The following RASD2 variants were observed in gnomAD, a reference collection of about 807,000 sequenced individuals.
RASD2 encodes GTP-binding protein Rhes.
RASD2 carries 7 observed loss-of-function variants against 15.8 expected under a neutral mutation model. The ratio of observed to expected loss-of-function variants is 0.44; its 90% confidence interval spans 0.25 to 0.83. The LOEUF is 0.83. RASD2 is among the 40% of genes least tolerant of loss of function. The pLI is 0.20. For synonymous variants in RASD2, 155 were observed against 153.6 expected, an observed-to-expected ratio of 1.01 and a Z score of -0.07; for missense variants, 274 against 382.8, an observed-to-expected ratio of 0.72 and a Z score of 2.37.
At chr22:35,539,813 T>C (rs886616695), upstream of RASD2, among the ~76,000 whole-genome samples, 5 of 152,078 alleles carry the variant, frequency 3.3e-5, no homozygotes, top group Admixed American at 1.3e-4. Context: ...AAGTAATAAG[T>C]GGTGTGGAGA....
In RASD2 at chr22:35,551,664, G is replaced by A. The variant is rs1316984117; in HGVS notation, c.433G>A (p.Gly145Ser). 6 of 1,614,094 alleles carry A rather than the reference G, an allele frequency of 3.7e-6. No individual in the cohort carries two copies. The highest frequency in any genetic ancestry group is 2.2e-5 in the East Asian group (1 of 44,868). ...MVICGNKNDH[G>S]ELCRQVPTTE... ...CATCTGTGGCAACAAGAACGACCAC[G>A]GCGAGCTGTGCCGCCAGGTGCCCAC... is the stretch of plus-strand genomic sequence containing the variant. Residue 145 changes from glycine (G) to serine (S), a missense_variant, in exon 3 of 3, where the codon GGC (glycine) becomes AGC (serine). Gly to Ser is a moderately conservative substitution (Grantham distance 56, BLOSUM62 0). Coordinates refer to ENST00000216127, the MANE Select transcript of RASD2 (RefSeq NM_014310.4). This position sits in a 1 kb window ranked among gnomAD's most constrained non-coding sequence, Gnocchi z 4.9.
rs531305856 is a variant in RASD2, at chr22:35,552,271, T to G, written c.*239T>G. ...TCTCCTCTGTGGGAGGACACATCTC[T>G]GCAGCCTCAAGAGTTAGGCAGAGAC... On this transcript the variant is annotated 3_prime_UTR_variant, in exon 3 of 3. Transcript: ENST00000216127. The G allele has an allele frequency of 1.0e-4, 58 of 580,016 alleles. No homozygotes were observed. Among genetic ancestry groups the G allele is most frequent in the African/African-American group, 9.5e-4 (51 of 53,822 alleles). 35.9% of individuals were successfully genotyped at this position (580,016 alleles called of 1,614,324 possible).
chr22:35,546,761 CG>C (rs768649335), intron 1 of RASD2, 39 bp from the exon 2 acceptor site: 31 of 1,589,962 alleles, frequency 1.9e-5, no homozygotes, highest in Admixed American at 1.7e-5. Context: ...GGGGCCAGGT[CG>C]GGGGGGCCCT....
chr22:35,534,312 G>A, the RASD2 span, among the ~76,000 whole-genome samples: 22 of 152,200 alleles, frequency 1.4e-4, no homozygotes, highest in African/African-American at 4.8e-4. Context: ...TGCTGTATCC[G>A]AGAGCAGATC....
chr22:35,539,311 T>C (rs1015895187), upstream of RASD2, among the ~76,000 whole-genome samples: 2 of 152,114 alleles, frequency 1.3e-5, no homozygotes, highest in African/African-American at 2.4e-5. Context: ...TGAACGCCAG[T>C]CTCTCAGCCA....
Position 35,551,667 on chromosome 22 carries a change from G to A in RASD2, c.436G>A (p.Glu146Lys), listed in dbSNP as rs765750830. ...VICGNKNDHGELCRQVPTTEA... is the reference protein window; with the variant it reads ...VICGNKNDHGKLCRQVPTTEA... Reference sequence around the variant, plus strand: ...CTGTGGCAACAAGAACGACCACGGCGAGCTGTGCCGCCAGGTGCCCACCAC... The same window carrying A: ...CTGTGGCAACAAGAACGACCACGGCAAGCTGTGCCGCCAGGTGCCCACCAC... The change falls in exon 3 of 3, where the codon GAG (glutamate) becomes AAG (lysine). Residue 146 changes from glutamate (E) to lysine (K), a missense_variant. By Grantham distance (56) the Glu-to-Lys change is moderately conservative. Transcript: ENST00000216127. This position sits in a 1 kb window ranked among gnomAD's most constrained non-coding sequence, Gnocchi z 4.9. 1.2e-5 allele frequency: 19 copies of A among 1,613,922 alleles called. No homozygotes were observed. Among genetic ancestry groups the A allele is most frequent in the Non-Finnish European group, 1.5e-5 (18 of 1,179,936 alleles).
chr22:35,535,563 T>A, the RASD2 span, among the ~76,000 whole-genome samples: 1 of 152,040 alleles, frequency 6.6e-6, no homozygotes, highest in African/African-American at 2.4e-5. Flanking sequence ...GTAAGGCAGC[T>A]CCATGGAGCA....
At chr22:35,545,330 G>A (rs1018302290) in intron 1 of RASD2, among the ~76,000 whole-genome samples, 2 of 152,204 alleles carry the variant, frequency 1.3e-5, no homozygotes, top group Admixed American at 6.5e-5. Flanking sequence ...TGGGTCAATG[G>A]GCGAGGCACT....
In RASD2 at chr22:35,541,231, G is replaced by C. The variant is rs1185966744; in HGVS notation, c.-279G>C. The C allele has an allele frequency of 6.6e-6, 1 of 151,750 alleles. No homozygotes were observed. Among genetic ancestry groups the C allele is most frequent in the Admixed American group, 6.6e-5 (1 of 15,250 alleles). The allele number at this position is 151,750 out of a possible 1,614,324, so 9.4% of individuals were successfully genotyped here. ...CCCCGGCTCGGGGCAGGGCAGGGCC[G>C]GCGGCGGCGAGCCGGAGCCCGCCCC... On this transcript the variant is annotated 5_prime_UTR_variant, in exon 1 of 3. Coordinates refer to ENST00000216127, the MANE Select transcript of RASD2 (RefSeq NM_014310.4).
chr22:35,546,024 C>T (rs1006743028), intron 1 of RASD2, among the ~76,000 whole-genome samples: 1 of 152,128 alleles, frequency 6.6e-6, no homozygotes, highest in Non-Finnish European at 1.5e-5. Context: ...CTTGAGCCAG[C>T]CATGGGTCGT....
chr22:35,551,420 C>A lies in RASD2; in HGVS notation c.272-83C>A. 6.9e-7 allele frequency: 1 copy of A among 1,450,824 alleles called. No homozygotes were observed. Among genetic ancestry groups the A allele is most frequent in the Non-Finnish European group, 9.4e-7 (1 of 1,060,874 alleles). The allele number at this position is 1,450,824 out of a possible 1,614,324, so 89.9% of individuals were successfully genotyped here. The stretch of plus-strand genomic sequence containing the variant: ...TTCAGGGCACCTGTGACTCCCAGCT[C>A]TTAGGGCTGATGTTCTGTGGCCAGA... On this transcript the variant is annotated intron_variant, in intron 2 of 2. Transcript: ENST00000216127. The surrounding 1 kb of genome is among the most constrained non-coding windows in gnomAD (Gnocchi z 4.9).
At chr22:35,545,603 G>A (rs1433614195) in intron 1 of RASD2, among the ~76,000 whole-genome samples, 1 of 152,132 alleles carries the variant, frequency 6.6e-6, no homozygotes, top group African/African-American at 2.4e-5. Flanking sequence ...TGCAGTTCAG[G>A]GGCTGGAAAG....
At chr22:35,533,974 A>G in the RASD2 span, among the ~76,000 whole-genome samples, 2 of 146,612 alleles carry the variant, frequency 1.4e-5, no homozygotes, top group East Asian at 2.0e-4. Flanking sequence ...ATGGTGATGA[A>G]GGCAATGGTG....
intron 2 of RASD2, 87 bp downstream of exon 2, chr22:35,547,167 T>C: frequency 7.1e-7 from 1 of 1,414,734 alleles, no homozygotes; most frequent in Non-Finnish European, 9.7e-7. Context: ...TGCATAGACT[T>C]GCATAGCCAT....
chr22:35,539,612 C>A (rs1164447760), upstream of RASD2, among the ~76,000 whole-genome samples: 1 of 152,212 alleles, frequency 6.6e-6, no homozygotes, highest in African/African-American at 2.4e-5. Flanking sequence ...ACATCTCAAG[C>A]CTTGGCAGGC....
At chr22:35,538,228 T>G (rs1241742519), upstream of RASD2, among the ~76,000 whole-genome samples, 1 of 152,190 alleles carries the variant, frequency 6.6e-6, no homozygotes, top group African/African-American at 2.4e-5. Context: ...CATCTTGGCC[T>G]CCCAAAGTGC....
intron 1 of RASD2, among the ~76,000 whole-genome samples, chr22:35,544,459 G>C (rs1409831638): frequency 6.6e-6 from 1 of 152,280 alleles, no homozygotes; most frequent in African/African-American, 2.4e-5. Flanking sequence ...CCCTGGGCCA[G>C]TCAGGTGGTT....
intron 1 of RASD2, among the ~76,000 whole-genome samples, chr22:35,543,428 T>C (rs918765638): frequency 1.3e-5 from 2 of 151,780 alleles, no homozygotes; most frequent in Non-Finnish European, 2.9e-5. Context: ...CAGTCACTGA[T>C]ATTGGACTCT....
chr22:35,542,558 T>TG, intron 1 of RASD2, among the ~76,000 whole-genome samples: 1 of 152,288 alleles, frequency 6.6e-6, no homozygotes, highest in East Asian at 1.9e-4. Context: ...CCAAGGGTGG[T>TG]GGGGTTGGCT....
Sources: allele counts gnomAD v4.1 joint callset (sites outside exome capture counted in the v4.1 genomes callset), GRCh38; gene constraint gnomAD v4.1.1; non-coding constraint Gnocchi (gnomAD v3.1); transcripts MANE v1.5; gene names NCBI Gene and HGNC (gene_info 2026-07-23, HGNC 2026-07-21).